The following ALK variants were observed in gnomAD, a reference collection of about 807,000 sequenced individuals.
ALK encodes the protein ALK receptor tyrosine kinase, also known as ALK tyrosine kinase receptor.
Under a neutral mutation model 163.1 loss-of-function variants are expected in ALK, and 74 were observed. The observed-to-expected ratio is 0.45, with a 90% CI of 0.38 to 0.55. ALK has a LOEUF of 0.55. Among genes scored for constraint, ALK ranks in the 20% least tolerant of loss-of-function variants. The pLI, the probability that ALK is intolerant of heterozygous loss-of-function variation, is 0.00. For synonymous variants in ALK, 960 were observed against 843.2 expected (o/e 1.14, Z -2.40); for missense variants, 2,063 against 2,105.3 (o/e 0.98, Z 0.39).
At chr2:29,235,691 C>T (rs1664354622) in intron 13 of ALK, among the ~76,000 whole-genome samples, 1 of 151,666 alleles carries the variant, frequency 6.6e-6, no homozygotes, top group Non-Finnish European at 1.5e-5. Flanking sequence ...ATTCAGGGTC[C>T]AATCTGGGTT....
At chr2:29,503,488 GA>G (rs1414748808) in intron 4 of ALK, among the ~76,000 whole-genome samples, 1 of 152,200 alleles carries the variant, frequency 6.6e-6, no homozygotes, top group African/African-American at 2.4e-5. Flanking sequence ...ATACAGATAT[GA>G]AAAAGCATCA....
At chr2:29,859,851 T>C (rs984187465) in intron 1 of ALK, among the ~76,000 whole-genome samples, 1 of 152,106 alleles carries the variant, frequency 6.6e-6, no homozygotes, top group East Asian at 1.9e-4. Flanking sequence ...GCTCGGAAGA[T>C]GTGAAAATTT....
rs1680673531 is a variant in ALK at position 29,760,622 on chromosome 2, C to G, written c.668-42925G>C. Among the ~76,000 whole-genome samples the G allele has an allele frequency of 2.6e-5, 4 of 152,178 alleles. No individual in the cohort carries two copies. The South Asian group carries it at 8.3e-4, about 32-fold the overall frequency. ...CTTTGCTAACTAGTTGATCAATGAC[C>G]TGGTCCAGGTGAGTACCAGGAAATT... On this transcript the variant is annotated intron_variant, in intron 1 of 28. Transcript: ENST00000389048.
intron 1 of ALK, among the ~76,000 whole-genome samples, chr2:29,913,842 A>G (rs1042349233): frequency 6.6e-6 from 1 of 152,064 alleles, no homozygotes; most frequent in Non-Finnish European, 1.5e-5. Context: ...ATTTCTCTCC[A>G]TATTCTCCAC....
intron 1 of ALK, among the ~76,000 whole-genome samples, chr2:29,744,740 G>A (rs56980150): frequency 0.064 from 9,676 of 152,076 alleles, 807 homozygotes; most frequent in African/African-American, 0.19. Flanking sequence ...GGCTTTAGCC[G>A]GAACATCATC....
intron 4 of ALK, among the ~76,000 whole-genome samples, chr2:29,386,068 C>T (rs555787524): frequency 5.3e-5 from 8 of 152,330 alleles, no homozygotes; most frequent in African/African-American, 1.9e-4. Flanking sequence ...ATGAAGGCAT[C>T]GCCTAAGACC....
At chr2:29,864,519 A>G (rs1451673111) in intron 1 of ALK, among the ~76,000 whole-genome samples, 1 of 152,216 alleles carries the variant, frequency 6.6e-6, no homozygotes, top group East Asian at 1.9e-4. Context: ...TGCATGTTCC[A>G]TGATACCAAG....
chr2:29,392,831 C>T (rs369197585), intron 4 of ALK, among the ~76,000 whole-genome samples: 9 of 152,282 alleles, frequency 5.9e-5, no homozygotes, highest in East Asian at 1.9e-4. Context: ...TTTTACATGC[C>T]GTGAAATACC....
At chr2:29,693,133 C>T (rs1012071908) in intron 3 of ALK, among the ~76,000 whole-genome samples, 42 of 152,028 alleles carry the variant, frequency 2.8e-4, no homozygotes, top group African/African-American at 8.9e-4. Context: ...AGGTGGGATA[C>T]AGGAAACTCC....
intron 1 of ALK, among the ~76,000 whole-genome samples, chr2:29,782,156 T>C (rs919940309): frequency 6.6e-6 from 1 of 152,160 alleles, no homozygotes; most frequent in African/African-American, 2.4e-5. Context: ...GCTAAATTGC[T>C]TTGCAAGAGT....
intron 4 of ALK, among the ~76,000 whole-genome samples, chr2:29,483,403 T>C (rs1671708996): frequency 6.6e-6 from 1 of 152,178 alleles, no homozygotes; most frequent in Non-Finnish European, 1.5e-5. Flanking sequence ...TGAGAACCAC[T>C]CCTGCTATTC....
chr2:29,233,220 G>A (rs1413717879), intron 14 of ALK, among the ~76,000 whole-genome samples: 2 of 152,150 alleles, frequency 1.3e-5, no homozygotes, highest in African/African-American at 4.8e-5. Context: ...ACAGCTCATT[G>A]TAGCCTTGAA....
intron 3 of ALK, among the ~76,000 whole-genome samples, chr2:29,620,818 C>T (rs771774192): frequency 3.3e-5 from 5 of 152,170 alleles, no homozygotes; most frequent in African/African-American, 9.7e-5. Context: ...GGAGAAAGAA[C>T]GCATACAAAT....
chr2:29,456,571 C>T (rs184778671), intron 4 of ALK, among the ~76,000 whole-genome samples: 1 of 152,176 alleles, frequency 6.6e-6, no homozygotes, highest in African/African-American at 2.4e-5. Context: ...AGAATGAGGA[C>T]TTATTGCTCA....
At chr2:29,751,526 A>C (rs906033361) in intron 1 of ALK, among the ~76,000 whole-genome samples, 1 of 152,030 alleles carries the variant, frequency 6.6e-6, no homozygotes, top group Non-Finnish European at 1.5e-5. Context: ...ATGGAGTGTG[A>C]GCATCTCAGC....
At chr2:29,396,836 G>GTTTTTTTTTTTTTTTTTTTTTTTT (rs10654058) in intron 4 of ALK, among the ~76,000 whole-genome samples, 3 of 46,604 alleles carry the variant, frequency 6.4e-5, no homozygotes, top group African/African-American at 9.3e-5. Context: ...TGTTACTATG[G>GTTTTTTTTTTTTTTTTTTTTTTTT]TTTTTTTTTT....
At chr2:29,804,733 C>T (rs143401835) in intron 1 of ALK, among the ~76,000 whole-genome samples, 4 of 152,252 alleles carry the variant, frequency 2.6e-5, no homozygotes, top group African/African-American at 7.2e-5. Flanking sequence ...TTCTTAGACC[C>T]ATGTTGGGGG....
chr2:29,905,626 G>A (rs1667525312), intron 1 of ALK, among the ~76,000 whole-genome samples: 1 of 151,346 alleles, frequency 6.6e-6, no homozygotes, highest in Non-Finnish European at 1.5e-5. Flanking sequence ...AAGGAAGGAA[G>A]GAAGGGAGGG....
Position 29,202,344 on chromosome 2 carries a change from C to T in ALK, c.3939-4668G>A, listed in dbSNP as rs892039201. Among the ~76,000 whole-genome samples, 4 of 152,340 alleles carry T rather than the reference C, an allele frequency of 2.6e-5. No homozygotes were observed. In the South Asian group the frequency reaches 8.3e-4, roughly 32 times the overall value. ...CTGCCTGATTGTCTTAGAGCACTTC[C>T]TAATCCTTGCAGCTATATAATTTGT... On this transcript the variant is annotated intron_variant, in intron 26 of 28. Coordinates refer to ENST00000389048, the MANE Select transcript of ALK (RefSeq NM_004304.5).
Sources: allele counts gnomAD v4.1 joint callset (sites outside exome capture counted in the v4.1 genomes callset), GRCh38; gene constraint gnomAD v4.1.1; transcripts MANE v1.5; gene names NCBI Gene and HGNC (gene_info 2026-07-23, HGNC 2026-07-21).